Variants in IMMP2L observed in about 807,000 individuals in gnomAD.
The protein encoded by IMMP2L is inner mitochondrial membrane peptidase subunit 2.
A neutral mutation model predicts 19.3 loss-of-function variants in IMMP2L; 18 were observed. The observed-to-expected ratio is 0.93, with a 90% CI of 0.64 to 1.38. IMMP2L has a LOEUF of 1.38. IMMP2L is among the 40% of genes most tolerant of loss of function. The pLI is 0.00. For missense variants in IMMP2L, 233 were observed against 218.2 expected, an observed-to-expected ratio of 1.07 and a Z score of -0.43; for synonymous variants, 76 against 73.0, an observed-to-expected ratio of 1.04 and a Z score of -0.21.
chr7:110,824,064 C>T lies in IMMP2L; in HGVS notation c.408+62529G>A, dbSNP rs533615696. Among the ~76,000 whole-genome samples, 11 of 152,196 alleles carry T rather than the reference C, an allele frequency of 7.2e-5. No homozygotes were observed. In the South Asian group the frequency reaches 2.3e-3, roughly 32 times the overall value. On this transcript the variant is annotated intron_variant, in intron 5 of 5. Coordinates refer to ENST00000405709, the MANE Select transcript of IMMP2L (RefSeq NM_032549.4). The stretch of plus-strand genomic sequence containing the variant: ...TCACTGCATATGTAATAATTACATA[C>T]ATAATGCAATACTTACATTATAAAC...
At chr7:111,049,730 C>T (rs1585960277) in intron 3 of IMMP2L, among the ~76,000 whole-genome samples, 1 of 152,128 alleles carries the variant, frequency 6.6e-6, no homozygotes, top group African/African-American at 2.4e-5. Flanking sequence ...AAAACAAATT[C>T]CAAAGCAAAG....
intron 1 of IMMP2L, among the ~76,000 whole-genome samples, chr7:111,556,040 A>ATATATATATATATATG (rs1264908580): frequency 7.2e-5 from 10 of 139,356 alleles, no homozygotes; most frequent in Non-Finnish European, 1.1e-4. Context: ...ATATATACAT[A>ATATATATATATATATG]CCCAAAGAAA....
chr7:111,243,117 T>G (rs916017767), intron 3 of IMMP2L, among the ~76,000 whole-genome samples: 4 of 151,894 alleles, frequency 2.6e-5, no homozygotes, highest in African/African-American at 9.7e-5. Context: ...AACTAAAGAG[T>G]AGTTGTTTTG....
intron 3 of IMMP2L, among the ~76,000 whole-genome samples, chr7:111,464,110 C>T (rs570202623): frequency 6.6e-6 from 1 of 152,178 alleles, no homozygotes; most frequent in South Asian, 2.1e-4. Flanking sequence ...GCCTCTACCA[C>T]GTACTAGATT....
At chr7:111,425,465 G>A (rs1388798524) in intron 3 of IMMP2L, among the ~76,000 whole-genome samples, 1 of 151,052 alleles carries the variant, frequency 6.6e-6, no homozygotes, top group Non-Finnish European at 1.5e-5. Context: ...CAATACGCAT[G>A]TTGAAAGTAT....
intron 4 of IMMP2L, among the ~76,000 whole-genome samples, chr7:110,954,692 A>T: frequency 6.6e-6 from 1 of 151,690 alleles, no homozygotes; most frequent in Admixed American, 6.6e-5. Flanking sequence ...GAACCAAGGC[A>T]GTTTGAGTTC....
At chr7:111,356,680 TA>T (rs1321966438) in intron 3 of IMMP2L, among the ~76,000 whole-genome samples, 1 of 152,116 alleles carries the variant, frequency 6.6e-6, no homozygotes, top group Non-Finnish European at 1.5e-5. Flanking sequence ...AACTGGTTTT[TA>T]AAAAAAGAAA....
At chr7:110,850,444 A>AAC (rs1462804641) in intron 5 of IMMP2L, among the ~76,000 whole-genome samples, 2 of 152,054 alleles carry the variant, frequency 1.3e-5, no homozygotes, top group African/African-American at 4.8e-5. Flanking sequence ...CTGCCCCTTG[A>AAC]TTTACATATA....
intron 5 of IMMP2L, among the ~76,000 whole-genome samples, chr7:110,795,675 G>A (rs1009353716): frequency 6.6e-6 from 1 of 152,062 alleles, no homozygotes; most frequent in African/African-American, 2.4e-5. Flanking sequence ...TCCATATCCT[G>A]CTTTTTAACC....
intron 4 of IMMP2L, among the ~76,000 whole-genome samples, chr7:110,896,022 A>G (rs937368730): frequency 7.9e-5 from 12 of 151,980 alleles, no homozygotes; most frequent in African/African-American, 2.7e-4. Context: ...GTGTCTTGCT[A>G]TGTTGCCCAG....
rs1275841738 is a variant in IMMP2L at position 110,727,611 on chromosome 7, A to T, written c.409-63890T>A. 1.3e-5 allele frequency among the ~76,000 whole-genome samples: 2 copies of T among 151,942 alleles called. No homozygotes were observed. The highest frequency in any genetic ancestry group is 2.4e-5 in the African/African-American group (1 of 41,368). On this transcript the variant is annotated intron_variant, in intron 5 of 5. Transcript: ENST00000405709. The surrounding 1 kb of genome is among the most constrained non-coding windows in gnomAD (Gnocchi z 4.3). ...TAGGGAAAGAGAGAGGAGACCAAGT[A>T]TCCTTTCCCCACTGCAGGTTTCCTG...
At chr7:111,052,849 C>T (rs1374766808) in intron 3 of IMMP2L, among the ~76,000 whole-genome samples, 1 of 152,200 alleles carries the variant, frequency 6.6e-6, no homozygotes, top group Admixed American at 6.5e-5. Flanking sequence ...AGAACAGGTG[C>T]TTCTTTGCCT....
intron 4 of IMMP2L, among the ~76,000 whole-genome samples, chr7:110,961,182 C>G (rs1376505627): frequency 6.6e-6 from 1 of 151,828 alleles, no homozygotes; most frequent in Non-Finnish European, 1.5e-5. Flanking sequence ...CCCACAGATA[C>G]AGTTGTCCCT....
At chr7:111,036,704 T>C (rs1229151043) in intron 3 of IMMP2L, among the ~76,000 whole-genome samples, 2 of 152,154 alleles carry the variant, frequency 1.3e-5, no homozygotes, top group South Asian at 4.1e-4. Flanking sequence ...TACTATTACT[T>C]GATTAAAAAG....
chr7:111,241,322 A>T (rs926797479), intron 3 of IMMP2L, among the ~76,000 whole-genome samples: 1 of 152,014 alleles, frequency 6.6e-6, no homozygotes, highest in Non-Finnish European at 1.5e-5. Flanking sequence ...TTAAAAACAC[A>T]TTCACCACTG....
chr7:111,161,977 C>T (rs1007920697), intron 3 of IMMP2L, among the ~76,000 whole-genome samples: 1 of 151,904 alleles, frequency 6.6e-6, no homozygotes, highest in Admixed American at 6.6e-5. Context: ...TGCTGAACTC[C>T]GTAATATGTG....
chr7:110,864,086 AT>A (rs1428141543), intron 5 of IMMP2L, among the ~76,000 whole-genome samples: 1 of 152,152 alleles, frequency 6.6e-6, no homozygotes. Flanking sequence ...TTAGTTAATA[AT>A]ATAGCTAATT....
At chr7:111,205,043 G>C (rs1316460510) in intron 3 of IMMP2L, among the ~76,000 whole-genome samples, 2 of 152,112 alleles carry the variant, frequency 1.3e-5, no homozygotes, top group African/African-American at 2.4e-5. Flanking sequence ...CAAGACCAAG[G>C]TGCCAGCATT....
chr7:111,373,045 C>T (rs761798853), intron 3 of IMMP2L, among the ~76,000 whole-genome samples: 35 of 151,542 alleles, frequency 2.3e-4, no homozygotes, highest in Admixed American at 4.6e-4. Flanking sequence ...CTTGCCCCTA[C>T]AATATCTTCC....
Sources: allele counts gnomAD v4.1 joint callset (sites outside exome capture counted in the v4.1 genomes callset), GRCh38; gene constraint gnomAD v4.1.1; non-coding constraint Gnocchi (gnomAD v3.1); transcripts MANE v1.5; gene names NCBI Gene and HGNC (gene_info 2026-07-23, HGNC 2026-07-21).